The following RBFOX1 variants were observed in gnomAD, a reference collection of about 807,000 sequenced individuals.
The protein encoded by RBFOX1 is RNA binding protein fox-1 homolog 1.
RBFOX1 carries 8 observed loss-of-function variants against 57.7 expected under a neutral mutation model. The ratio of observed to expected loss-of-function variants is 0.14; its 90% CI spans 0.08 to 0.25. The LOEUF (loss-of-function observed/expected upper bound fraction) is 0.25, where lower values mean the gene tolerates loss of function less well. RBFOX1 is among the 10% of genes least tolerant of loss of function. The pLI, the probability that RBFOX1 is intolerant of heterozygous loss-of-function variation, is 1.00. For synonymous variants in RBFOX1, 326 were observed against 222.4 expected (o/e 1.47, Z -4.15); for missense variants, 611 against 548.5 (o/e 1.11, Z -1.14).
chr16:6,024,472 A>G lies in RBFOX1; in HGVS notation c.-127+4480A>G, dbSNP rs1381925478. ...CTGTATGGATCCATACATTTATCCA[A>G]TGAGTATTCTACTCATCTCCGCTTT... is the stretch of plus-strand genomic sequence containing the variant. On this transcript the variant is annotated intron_variant, in intron 1 of 15. Transcript: ENST00000550418. Among the ~76,000 whole-genome samples, 6 of 152,112 alleles carry G rather than the reference A, an allele frequency of 3.9e-5. 1 individual carries two copies. The East Asian group carries it at 9.6e-4, about 24-fold the overall frequency.
chr16:6,735,019 T>C (rs2069751085), intron 3 of RBFOX1, among the ~76,000 whole-genome samples: 1 of 152,072 alleles, frequency 6.6e-6, no homozygotes, highest in South Asian at 2.1e-4. Context: ...ACAGTGTATG[T>C]CTGTGTTCTC....
At chr16:7,189,001 C>T (rs2084634279) in intron 4 of RBFOX1, among the ~76,000 whole-genome samples, 4 of 152,062 alleles carry the variant, frequency 2.6e-5, no homozygotes, top group Admixed American at 2.6e-4. Context: ...GAACATCAGG[C>T]TAGAGGCAAG....
intron 4 of RBFOX1, among the ~76,000 whole-genome samples, chr16:7,352,309 C>G (rs763759042): frequency 6.6e-6 from 1 of 152,158 alleles, no homozygotes; most frequent in Admixed American, 6.5e-5. Flanking sequence ...ACAACTGGCC[C>G]TGTCCTTCCA....
intron 4 of RBFOX1, among the ~76,000 whole-genome samples, chr16:7,230,062 GAGGA>G (rs2093410139): frequency 1.4e-5 from 2 of 139,534 alleles, no homozygotes; most frequent in South Asian, 2.6e-4. Context: ...AAAGGAGAGA[GAGGA>G]AGGAAGGGAG....
chr16:7,521,401 G>A (rs1372479779), intron 5 of RBFOX1, among the ~76,000 whole-genome samples: 1 of 152,188 alleles, frequency 6.6e-6, no homozygotes, highest in Non-Finnish European at 1.5e-5. Flanking sequence ...TAAGCCAGAA[G>A]AGTTATGAAA....
intron 2 of RBFOX1, among the ~76,000 whole-genome samples, chr16:6,557,322 G>A (rs2097119421): frequency 6.6e-6 from 1 of 151,828 alleles, no homozygotes; most frequent in Non-Finnish European, 1.5e-5. Context: ...CTTTCACAGT[G>A]GGGAGAAGAA....
chr16:6,714,425 A>T (rs1183034848), intron 3 of RBFOX1, among the ~76,000 whole-genome samples: 1 of 152,106 alleles, frequency 6.6e-6, no homozygotes, highest in Non-Finnish European at 1.5e-5. Context: ...GAAGCCACTG[A>T]CCACTATATG....
At chr16:7,369,922 T>C (rs1205036853) in intron 4 of RBFOX1, among the ~76,000 whole-genome samples, 2 of 152,204 alleles carry the variant, frequency 1.3e-5, no homozygotes, top group African/African-American at 2.4e-5. Context: ...AATTGAAGCT[T>C]GGAAATGTTA....
intron 3 of RBFOX1, among the ~76,000 whole-genome samples, chr16:5,762,216 A>G (rs1055139685): frequency 2.0e-5 from 3 of 152,312 alleles, no homozygotes; most frequent in South Asian, 4.1e-4. Context: ...TGAAGCTGTG[A>G]ATAAGCAGTT....
chr16:5,898,103 G>C (rs189617100), intron 4 of RBFOX1, among the ~76,000 whole-genome samples: 47 of 152,178 alleles, frequency 3.1e-4, no homozygotes, highest in African/African-American at 1.1e-3. Context: ...CAGCAAACCT[G>C]TCCTTCTTCA....
intron 4 of RBFOX1, among the ~76,000 whole-genome samples, chr16:7,445,383 T>C (rs1488857254): frequency 3.3e-5 from 5 of 152,188 alleles, no homozygotes; most frequent in Admixed American, 3.3e-4. Flanking sequence ...AGTACCCTTA[T>C]GCACCAGCTC....
intron 2 of RBFOX1, among the ~76,000 whole-genome samples, chr16:6,422,838 A>T (rs956228165): frequency 6.6e-6 from 1 of 152,168 alleles, no homozygotes; most frequent in Non-Finnish European, 1.5e-5. Flanking sequence ...ACAATTTGAC[A>T]TGAGATTTGG....
At chr16:6,988,235 G>T (rs1183372345) in intron 3 of RBFOX1, among the ~76,000 whole-genome samples, 1 of 152,172 alleles carries the variant, frequency 6.6e-6, no homozygotes, top group Non-Finnish European at 1.5e-5. Context: ...GCATTTTCCT[G>T]CTGGTTTTTC....
intron 4 of RBFOX1, among the ~76,000 whole-genome samples, chr16:7,196,529 G>A (rs761213640): frequency 5.9e-5 from 9 of 152,292 alleles, no homozygotes; most frequent in East Asian, 1.9e-4. Context: ...TAGTGCAACC[G>A]GCTCTTTAAA....
chr16:7,143,662 C>T (rs959323814), intron 4 of RBFOX1, among the ~76,000 whole-genome samples: 2 of 152,076 alleles, frequency 1.3e-5, no homozygotes, highest in Non-Finnish European at 2.9e-5. Context: ...CCTGGGAGTT[C>T]AGCTCTCTGC....
chr16:5,628,819 G>A lies in RBFOX1; in HGVS notation c.318+29858G>A, dbSNP rs1019641844. On this transcript the variant is annotated intron_variant, in intron 3 of 19. Transcript: ENST00000641259. ...CTTATGGCTGAAGGGAGATCTCATGGCACCCTTGTCTGTCCTATTCTACAT... is the reference window on the plus strand; with the variant it reads ...CTTATGGCTGAAGGGAGATCTCATGACACCCTTGTCTGTCCTATTCTACAT... 2.1e-4 allele frequency among the ~76,000 whole-genome samples: 32 copies of A among 152,274 alleles called. 1 individual carries two copies. Among genetic ancestry groups the A allele is most frequent in the Non-Finnish European group, 5.9e-5 (4 of 68,018 alleles).
intron 4 of RBFOX1, among the ~76,000 whole-genome samples, chr16:7,465,155 T>C (rs9302852): frequency 0.94 from 143,839 of 152,242 alleles, 67,995 homozygotes; most frequent in East Asian, 1. Context: ...TTTTACTTTT[T>C]CCACCTAGAA....
intron 5 of RBFOX1, among the ~76,000 whole-genome samples, chr16:7,566,008 G>C (rs2043025187): frequency 6.6e-6 from 1 of 152,154 alleles, no homozygotes; most frequent in Non-Finnish European, 1.5e-5. Context: ...GACTTGCCGA[G>C]CGCCTACTAT....
rs529173147 is a variant in RBFOX1 at position 6,622,251 on chromosome 16, C to G, written c.-63-32352C>G. ...CTGCACCACATAATGACGTTTCAGT[C>G]AACAGCAGACTACATATATGACTGT... is the stretch of plus-strand genomic sequence containing the variant. On this transcript the variant is annotated intron_variant, in intron 2 of 15. Transcript: ENST00000550418. Among the ~76,000 whole-genome samples the G allele has an allele frequency of 9.8e-4, 149 of 152,238 alleles. 1 individual carries two copies. The highest frequency in any genetic ancestry group is 8.7e-4 in the Non-Finnish European group (59 of 68,006).
Sources: allele counts gnomAD v4.1 joint callset (sites outside exome capture counted in the v4.1 genomes callset), GRCh38; gene constraint gnomAD v4.1.1; transcripts MANE v1.5; gene names NCBI Gene and HGNC (gene_info 2026-07-23, HGNC 2026-07-21).